Variants in SYPL1 observed in about 807,000 individuals in gnomAD.
SYPL1 encodes the protein synaptophysin like 1, also known as synaptophysin-like protein 1.
In SYPL1, 6 loss-of-function variants were observed where a neutral mutation model predicts 23.7. The ratio of observed to expected loss-of-function variants is 0.25; its 90% CI spans 0.14 to 0.50. The LOEUF (loss-of-function observed/expected upper bound fraction) is 0.50, where lower values mean the gene tolerates loss of function less well. SYPL1 is among the 20% of genes least tolerant of loss of function. SYPL1 has a pLI of 0.98. For missense variants in SYPL1, 253 were observed against 288.9 expected, an observed-to-expected ratio of 0.88 and a Z score of 0.90; for synonymous variants, 102 against 104.5, an observed-to-expected ratio of 0.98 and a Z score of 0.15.
At chr7:106,092,765 G>A (rs1839805207) in intron 4 of SYPL1, 184 bp downstream of exon 4, 2 of 601,324 alleles carry the variant, frequency 3.3e-6, no homozygotes, top group East Asian at 6.1e-5. Flanking sequence ...CATGATCTTG[G>A]TTACAGGTAA....
intron 1 of SYPL1, among the ~76,000 whole-genome samples, chr7:106,106,334 G>T (rs928326667): frequency 6.6e-6 from 1 of 151,654 alleles, no homozygotes; most frequent in Non-Finnish European, 1.5e-5. Context: ...GATCACCTGA[G>T]GTCAGGTGTT....
rs773357825 is a variant in SYPL1 at position 106,112,130 on chromosome 7, C to T, written c.69+10G>A. ...GGCAGGCGGGCCTGGCCGGCGCGGG[C>T]TGCACTCACCCACTCGAGGACCTTG... On this transcript the variant is annotated intron_variant, in intron 1 of 4. Transcript: ENST00000455385. The T allele has an allele frequency of 2.7e-6, 4 of 1,491,082 alleles. No homozygotes were observed. Among genetic ancestry groups the T allele is most frequent in the South Asian group, 2.5e-5 (2 of 79,022 alleles). 92.4% of individuals were successfully genotyped at this position (1,491,082 alleles called of 1,614,324 possible).
upstream of SYPL1, chr7:106,112,400 G>A (rs2116237808): frequency 7.3e-7 from 1 of 1,374,188 alleles, no homozygotes; most frequent in East Asian, 3.1e-5. Context: ...GAGACTCTGG[G>A]GCGGAAACGG....
In SYPL1 at chr7:106,099,259, G is replaced by A. The variant is rs1840188452; in HGVS notation, c.93C>T (p.Ala31=). ...LEWIASIFAF[A]TCGGFKGQTE... ...TTTGGCCCTTAAAACCTCCACAGGT[G>A]GCAAAAGCAAAGATAGAAGCAATCT... The change falls in exon 2 of 5, where the codon GCC becomes GCT. Residue 31 remains alanine (A), a synonymous_variant. Transcript: ENST00000455385. The A allele has an allele frequency of 3.1e-6, 5 of 1,611,590 alleles. No individual in the cohort carries two copies. The highest frequency in any genetic ancestry group is 2.2e-5 in the East Asian group (1 of 44,748).
At position 106,112,218 on chromosome 7, in the gene SYPL1, A is replaced by G. The variant is rs2116235880; in HGVS notation, c.-10T>C. Reference sequence around the variant, plus strand: ...TCTGGAAGCCGGACATCCTCTGAGGAAAGGAGGGAGAGAGAGTCAGGACGA... The same window carrying G: ...TCTGGAAGCCGGACATCCTCTGAGGGAAGGAGGGAGAGAGAGTCAGGACGA... On this transcript the variant is annotated 5_prime_UTR_variant, in exon 1 of 5. Transcript: ENST00000455385. The G allele has an allele frequency of 1.9e-6, 3 of 1,539,246 alleles. No individual in the cohort carries two copies. Among genetic ancestry groups the G allele is most frequent in the Non-Finnish European group, 2.6e-6 (3 of 1,135,118 alleles).
In SYPL1 at chr7:106,097,506, A is replaced by G. The variant is rs1193044014; in HGVS notation, c.402+184T>C. On this transcript the variant is annotated intron_variant, in intron 3 of 4. Coordinates refer to ENST00000455385, the MANE Select transcript of SYPL1 (RefSeq NM_182715.4). The surrounding 1 kb of genome is among the most constrained non-coding windows in gnomAD (Gnocchi z 4.6). ...TTTAAAAAAGAAATAAACTTTCCTT[A>G]TAGTGCAAATAGGCTAAAAAAAATT... Among the ~76,000 whole-genome samples the G allele has an allele frequency of 6.6e-6, 1 of 152,208 alleles. No individual in the cohort carries two copies. Among genetic ancestry groups the G allele is most frequent in the Non-Finnish European group, 1.5e-5 (1 of 68,028 alleles).
intron 4 of SYPL1, 72 bp downstream of exon 4, chr7:106,092,877 A>G: frequency 7.9e-7 from 1 of 1,268,150 alleles, no homozygotes; most frequent in Non-Finnish European, 1.1e-6. Context: ...ACTGAAAGCT[A>G]TTGCTTTCCT....
rs992430732 is a variant in SYPL1 at position 106,109,113 on chromosome 7, C to T, written c.69+3027G>A. On this transcript the variant is annotated intron_variant, in intron 1 of 4. Coordinates refer to ENST00000455385, the MANE Select transcript of SYPL1 (RefSeq NM_182715.4). This position sits in a 1 kb window ranked among gnomAD's most constrained non-coding sequence, Gnocchi z 4.3. ...ATGAAGCAGTAAAAATTTTATTAAA[C>T]CTTGACCCTTGAGTTCTCTTGTCAG... 9.2e-5 allele frequency among the ~76,000 whole-genome samples: 14 copies of T among 152,180 alleles called. No homozygotes were observed. Among genetic ancestry groups the T allele is most frequent in the African/African-American group, 2.9e-4 (12 of 41,444 alleles).
rs1297084982 is a variant in SYPL1 at position 106,109,646 on chromosome 7, T to G, written c.69+2494A>C. On this transcript the variant is annotated intron_variant, in intron 1 of 4. Transcript: ENST00000455385. This position sits in a 1 kb window ranked among gnomAD's most constrained non-coding sequence, Gnocchi z 4.3. ...CTAAAGAGACCACAAACTCAATACA[T>G]CTGAAACCTTTGACTTCCCATAAAA... 6.6e-6 allele frequency among the ~76,000 whole-genome samples: 1 copy of G among 152,152 alleles called. No individual in the cohort carries two copies. The highest frequency in any genetic ancestry group is 2.4e-5 in the African/African-American group (1 of 41,428).
upstream of SYPL1, chr7:106,112,453 C>G (rs771418030): frequency 8.8e-6 from 13 of 1,470,684 alleles, no homozygotes; most frequent in South Asian, 1.8e-4. Flanking sequence ...GGGGCGGAGA[C>G]CGGGAGGCTT....
rs1840513156 is a variant in SYPL1 at position 106,104,875 on chromosome 7, AC to A, written c.70-5594del. Among the ~76,000 whole-genome samples the A allele has an allele frequency of 6.6e-6, 1 of 152,130 alleles. No homozygotes were observed. Among genetic ancestry groups the A allele is most frequent in the African/African-American group, 2.4e-5 (1 of 41,418 alleles). ...TATATACTGGCAGCCTGTTGGTAAA[AC>A]CCGGCCTGCAAATATATTTGTGTGG... is the stretch of plus-strand genomic sequence containing the variant. On this transcript the variant is annotated intron_variant, in intron 1 of 4. Transcript: ENST00000455385. This position sits in a 1 kb window ranked among gnomAD's most constrained non-coding sequence, Gnocchi z 4.1.
rs778493832 is a variant in SYPL1 at position 106,091,772 on chromosome 7, C to T, written c.*33G>A. The stretch of plus-strand genomic sequence containing the variant: ...TGTTGGCAACATGTCATAGTATCAA[C>T]ATATACTTCATACAGTGTATTTCTC... On this transcript the variant is annotated 3_prime_UTR_variant, in exon 5 of 5. Coordinates refer to ENST00000455385, the MANE Select transcript of SYPL1 (RefSeq NM_182715.4). This position sits in a 1 kb window ranked among gnomAD's most constrained non-coding sequence, Gnocchi z 5.0. The T allele has an allele frequency of 1.9e-6, 3 of 1,589,446 alleles. No individual in the cohort carries two copies. The highest frequency in any genetic ancestry group is 2.7e-5 in the African/African-American group (2 of 73,906).
Position 106,091,012 on chromosome 7 carries a change from C to CACTT in SYPL1, c.*789_*792dup, listed in dbSNP as rs1450996599. 1 of 152,142 alleles carries CACTT rather than the reference C, an allele frequency of 6.6e-6. No homozygotes were observed. Among genetic ancestry groups the CACTT allele is most frequent in the African/African-American group, 2.4e-5 (1 of 41,438 alleles). The allele number at this position is 152,142 out of a possible 1,614,324, so 9.4% of individuals were successfully genotyped here. Reference sequence around the variant, plus strand: ...TACAAAGAGGCTGGGTCTCAGCCTGCACTTAAACAGCATGAGCAACAAAGG... The same window carrying CACTT: ...TACAAAGAGGCTGGGTCTCAGCCTGCACTTACTTAAACAGCATGAGCAACAAAGG... On this transcript the variant is annotated 3_prime_UTR_variant, in exon 5 of 5. Coordinates refer to ENST00000455385, the MANE Select transcript of SYPL1 (RefSeq NM_182715.4). The surrounding 1 kb of genome is among the most constrained non-coding windows in gnomAD (Gnocchi z 5.0).
At chr7:106,102,161 T>C (rs1354292295) in intron 1 of SYPL1, among the ~76,000 whole-genome samples, 1 of 152,078 alleles carries the variant, frequency 6.6e-6, no homozygotes, top group Admixed American at 6.6e-5. Context: ...GGTGCAATCT[T>C]GGCTCACTGC....
chr7:106,107,273 A>G (rs1043084146), intron 1 of SYPL1, among the ~76,000 whole-genome samples: 5 of 152,072 alleles, frequency 3.3e-5, no homozygotes, highest in African/African-American at 7.2e-5. Context: ...AATGTTTACT[A>G]AAGTTATTCA....
chr7:106,097,545 T>C lies in SYPL1; in HGVS notation c.402+145A>G, dbSNP rs1840080395. The C allele has an allele frequency of 3.2e-6, 2 of 617,144 alleles. No individual in the cohort carries two copies. The highest frequency in any genetic ancestry group is 5.2e-6 in the Non-Finnish European group (2 of 386,738). 38.2% of individuals were successfully genotyped at this position (617,144 alleles called of 1,614,324 possible). ...CTAAAAAAAATTGAGTTAAACTTAA[T>C]GGGAGAAAGCTCAACCTCGTGGCAA... is the stretch of plus-strand genomic sequence containing the variant. On this transcript the variant is annotated intron_variant, in intron 3 of 4. Coordinates refer to ENST00000455385, the MANE Select transcript of SYPL1 (RefSeq NM_182715.4). The surrounding 1 kb of genome is among the most constrained non-coding windows in gnomAD (Gnocchi z 4.6).
chr7:106,096,542 C>T lies in SYPL1; in HGVS notation c.402+1148G>A, dbSNP rs1198905819. Among the ~76,000 whole-genome samples the T allele has an allele frequency of 6.6e-6, 1 of 152,134 alleles. No homozygotes were observed. The highest frequency in any genetic ancestry group is 1.9e-4 in the East Asian group (1 of 5,198). Reference sequence around the variant, plus strand: ...TTTATAGTGGAGGTGTAGCTTAAAACCATGATTTCTCTCTGGATTTGCCAC... The same window carrying T: ...TTTATAGTGGAGGTGTAGCTTAAAATCATGATTTCTCTCTGGATTTGCCAC... On this transcript the variant is annotated intron_variant, in intron 3 of 4. Coordinates refer to ENST00000455385, the MANE Select transcript of SYPL1 (RefSeq NM_182715.4). The surrounding 1 kb of genome is among the most constrained non-coding windows in gnomAD (Gnocchi z 4.4).
Position 106,104,916 on chromosome 7 carries a change from C to CA in SYPL1, c.70-5635dup, listed in dbSNP as rs930369609. 4.6e-5 allele frequency among the ~76,000 whole-genome samples: 7 copies of CA among 152,134 alleles called. No individual in the cohort carries two copies. In the South Asian group the frequency reaches 8.3e-4, roughly 18 times the overall value. On this transcript the variant is annotated intron_variant, in intron 1 of 4. Transcript: ENST00000455385. The surrounding 1 kb of genome is among the most constrained non-coding windows in gnomAD (Gnocchi z 4.1). ...TATTTGTGTGGCCTTTCCAGTATTA[C>CA]AAAAAAATGTGAATTTGTTGTCATT... is the stretch of plus-strand genomic sequence containing the variant.
In SYPL1 at chr7:106,095,769, C is replaced by A. The variant is rs7799202; in HGVS notation, c.402+1921G>T. Among the ~76,000 whole-genome samples, 17,482 of 152,122 alleles carry A rather than the reference C, an allele frequency of 0.11. 1,388 individuals carry two copies. The highest frequency in any genetic ancestry group is 0.22 in the African/African-American group (9,211 of 41,468). On this transcript the variant is annotated intron_variant, in intron 3 of 4. Coordinates refer to ENST00000455385, the MANE Select transcript of SYPL1 (RefSeq NM_182715.4). The surrounding 1 kb of genome is among the most constrained non-coding windows in gnomAD (Gnocchi z 4.3). ...CCCATTATGTAACAATAAAAACCTA[C>A]TTAAGGAATTTTGGATTATCTCTTT...
Sources: gnomAD v4.1 joint callset for allele counts (sites outside exome capture counted in the v4.1 genomes callset) on GRCh38, gnomAD v4.1.1 for gene constraint, Gnocchi (gnomAD v3.1) non-coding constraint, MANE v1.5 for transcripts, NCBI Gene and HGNC (gene_info 2026-07-23, HGNC 2026-07-21) for gene names.